The following DAPK1 variants were observed in gnomAD, a reference collection of about 807,000 sequenced individuals.
The protein encoded by DAPK1 is death associated protein kinase 1.
In DAPK1, 56 loss-of-function variants were observed where a neutral mutation model predicts 144.9. The observed-to-expected ratio is 0.39, with a 90% confidence interval of 0.31 to 0.48. The LOEUF (loss-of-function observed/expected upper bound fraction) is 0.48, where lower values mean the gene tolerates loss of function less well. Among genes scored for constraint, DAPK1 ranks in the 20% least tolerant of loss-of-function variants. The pLI is 0.95. For synonymous variants in DAPK1, 690 were observed against 749.0 expected, an observed-to-expected ratio of 0.92 and a Z score of 1.29; for missense variants, 1,454 against 1,875.4, an observed-to-expected ratio of 0.78 and a Z score of 4.15.
chr9:87,620,583 AGAGGGGAGGAGG>A (rs2119038036), intron 3 of DAPK1, among the ~76,000 whole-genome samples: 1 of 122,270 alleles, frequency 8.2e-6, no homozygotes, highest in Non-Finnish European at 1.7e-5. Context: ...AGGGGGAGGG[AGAGGGGAGGAGG>A]AAGGGGAGGA....
At chr9:87,581,215 C>T (rs2118829157) in intron 2 of DAPK1, among the ~76,000 whole-genome samples, 1 of 152,326 alleles carries the variant, frequency 6.6e-6, no homozygotes, top group Non-Finnish European at 1.5e-5. Context: ...TCCTTGGACA[C>T]ACACTGCTTT....
At chr9:87,520,925 T>C (rs1442102214) in intron 2 of DAPK1, among the ~76,000 whole-genome samples, 2 of 152,250 alleles carry the variant, frequency 1.3e-5, no homozygotes, top group Non-Finnish European at 2.9e-5. Context: ...ATTCAGCCAA[T>C]GTAGGCTCAC....
upstream of DAPK1, chr9:87,497,825 C>T (rs529133517): frequency 1.8e-4 from 70 of 384,644 alleles, no homozygotes; most frequent in African/African-American, 1.3e-3. Flanking sequence ...GGCCGCCTGC[C>T]GGCCGCCCTC....
At chr9:87,605,315 G>T in intron 3 of DAPK1, 140 bp downstream of exon 3, 1 of 683,014 alleles carries the variant, frequency 1.5e-6, no homozygotes, top group Non-Finnish European at 2.5e-6. Flanking sequence ...TGAGAACAAT[G>T]CCGTGCTGCC....
intron 2 of DAPK1, chr9:87,506,882 C>T (rs1824621724): frequency 6.6e-6 from 1 of 152,188 alleles, no homozygotes; most frequent in African/African-American, 2.4e-5. Context: ...CATCATCTAA[C>T]TAAAATGGAT....
intron 19 of DAPK1, among the ~76,000 whole-genome samples, chr9:87,671,100 G>A (rs1467034882): frequency 1.3e-5 from 2 of 152,164 alleles, no homozygotes; most frequent in Admixed American, 6.5e-5. Context: ...TCCTTCTCCC[G>A]TCCTCTGTCC....
At chr9:87,682,498 A>G (rs1824671583) in intron 20 of DAPK1, among the ~76,000 whole-genome samples, 1 of 152,206 alleles carries the variant, frequency 6.6e-6, no homozygotes, top group Non-Finnish European at 1.5e-5. Flanking sequence ...GGTTGATGCT[A>G]AAGTTTGTGT....
intron 3 of DAPK1, among the ~76,000 whole-genome samples, chr9:87,621,389 T>C (rs1829289009): frequency 6.6e-6 from 1 of 152,208 alleles, no homozygotes; most frequent in Non-Finnish European, 1.5e-5. Context: ...GGGGATGCCG[T>C]GCCCAGAGGC....
intron 2 of DAPK1, among the ~76,000 whole-genome samples, chr9:87,547,574 AGAGAGTGTGTGT>A (rs980888646): frequency 2.1e-4 from 19 of 92,500 alleles, no homozygotes; most frequent in Admixed American, 7.6e-4. Flanking sequence ...GTGGAGAGAG[AGAGAGTGTGTGT>A]GTGTGTGTGT....
chr9:87,662,093 T>C (rs935751242), intron 18 of DAPK1, among the ~76,000 whole-genome samples: 3 of 152,228 alleles, frequency 2.0e-5, no homozygotes, highest in African/African-American at 7.2e-5. Context: ...CTTTTTCCAG[T>C]GTATGTTCTT....
At chr9:87,591,899 A>C (rs769580455) in intron 2 of DAPK1, among the ~76,000 whole-genome samples, 1 of 152,222 alleles carries the variant, frequency 6.6e-6, no homozygotes, top group Non-Finnish European at 1.5e-5. Flanking sequence ...GAGGCATTGC[A>C]GAGCCCTATG....
Position 87,697,123 on chromosome 9 carries a change from G to A in DAPK1, c.2530G>A (p.Glu844Lys). ...SIHVVVFSLEEPYEIQLNQVI... is the reference protein window; with the variant it reads ...SIHVVVFSLEKPYEIQLNQVI... ...CCATGTTGTTGTCTTTAGTCTAGAA[G>A]AGCCCTATGAGATCCAGCTGAACCA... Residue 844 changes from glutamate to lysine, a missense_variant, in exon 22 of 26, where the codon GAG (glutamate) becomes AAG (lysine). Coordinates refer to ENST00000408954, the MANE Select transcript of DAPK1 (RefSeq NM_004938.4). 1 of 1,564,644 alleles carries A rather than the reference G, an allele frequency of 6.4e-7. No homozygotes were observed. Among genetic ancestry groups the A allele is most frequent in the African/African-American group, 1.4e-5 (1 of 74,024 alleles).
At chr9:87,563,104 A>G (rs184105151) in intron 2 of DAPK1, among the ~76,000 whole-genome samples, 3 of 152,308 alleles carry the variant, frequency 2.0e-5, no homozygotes, top group African/African-American at 4.8e-5. Flanking sequence ...TCATGTTTCT[A>G]TTCTGTTGTC....
At chr9:87,554,297 A>C (rs1273560076) in intron 2 of DAPK1, 3 of 152,216 alleles carry the variant, frequency 2.0e-5, no homozygotes, top group Non-Finnish European at 4.4e-5. Context: ...CTTTTATACT[A>C]GTGCTTTCAA....
intron 2 of DAPK1, among the ~76,000 whole-genome samples, chr9:87,561,492 C>T (rs1030985947): frequency 6.6e-6 from 1 of 151,858 alleles, no homozygotes; most frequent in Non-Finnish European, 1.5e-5. Context: ...CACCACTGCA[C>T]TCCAGCCTGG....
intron 21 of DAPK1, among the ~76,000 whole-genome samples, chr9:87,690,852 A>C (rs1382311763): frequency 1.3e-5 from 2 of 151,546 alleles, no homozygotes; most frequent in African/African-American, 4.8e-5. Flanking sequence ...TATTATGTCA[A>C]CTCATCCTTG....
chr9:87,674,630 G>C (rs538314683), intron 19 of DAPK1, among the ~76,000 whole-genome samples: 1 of 151,842 alleles, frequency 6.6e-6, no homozygotes, highest in Non-Finnish European at 1.5e-5. Flanking sequence ...GAGTTGCCCA[G>C]ATTGAAAAAT....
upstream of DAPK1, chr9:87,497,719 A>G (rs1056628443): frequency 1.6e-5 from 4 of 251,026 alleles, no homozygotes; most frequent in Non-Finnish European, 7.5e-6. Flanking sequence ...AGCTGGGAGG[A>G]GCAGCGAGCG....
intron 2 of DAPK1, among the ~76,000 whole-genome samples, chr9:87,525,865 G>C (rs1030213637): frequency 2.6e-5 from 4 of 152,150 alleles, no homozygotes; most frequent in African/African-American, 9.7e-5. Flanking sequence ...AGGCTTAATA[G>C]TCAGTTGAGC....
Sources: allele counts gnomAD v4.1 joint callset (sites outside exome capture counted in the v4.1 genomes callset), GRCh38; gene constraint gnomAD v4.1.1; transcripts MANE v1.5; gene names NCBI Gene and HGNC (gene_info 2026-07-23, HGNC 2026-07-21).